The following HEMK2 variants were observed in gnomAD, a reference collection of about 807,000 sequenced individuals.
The protein encoded by HEMK2 is HemK methyltransferase 2, ETF1 glutamine and histone H4 lysine.
At chr21:28,757,886 A>G in the HEMK2 span, among the ~76,000 whole-genome samples, 1 of 152,218 alleles carries the variant, frequency 6.6e-6, no homozygotes, top group Admixed American at 6.5e-5. Context: ...GAGGAAATAC[A>G]GCAGATAAGG....
chr21:28,595,974 C>CG, the HEMK2 span, among the ~76,000 whole-genome samples: 1 of 151,402 alleles, frequency 6.6e-6, no homozygotes, highest in African/African-American at 2.4e-5. Context: ...TTAGTAGAGA[C>CG]GGGGTTTCAC....
the HEMK2 span, among the ~76,000 whole-genome samples, chr21:28,787,683 T>C: frequency 6.6e-6 from 1 of 152,064 alleles, no homozygotes; most frequent in Non-Finnish European, 1.5e-5. Context: ...TACAAGACTG[T>C]CCATAATCAA....
chr21:28,678,914 T>C, the HEMK2 span, among the ~76,000 whole-genome samples: 1 of 152,076 alleles, frequency 6.6e-6, no homozygotes, highest in East Asian at 1.9e-4. Context: ...TGGAAAGGAA[T>C]AACCGGTACC....
At chr21:28,742,673 GA>G in the HEMK2 span, among the ~76,000 whole-genome samples, 8 of 143,118 alleles carry the variant, frequency 5.6e-5, no homozygotes, top group African/African-American at 1.0e-4. Context: ...TGCCCACTAA[GA>G]AAAAAAAAAG....
the HEMK2 span, among the ~76,000 whole-genome samples, chr21:28,603,359 G>A: frequency 2.6e-5 from 4 of 152,204 alleles, no homozygotes; most frequent in Middle Eastern, 0.01. Context: ...ATTCTATGGT[G>A]ACATTGTGAA....
the HEMK2 span, among the ~76,000 whole-genome samples, chr21:28,750,473 C>T: frequency 3.9e-5 from 6 of 152,120 alleles, no homozygotes; most frequent in South Asian, 1.2e-3. Flanking sequence ...CCAAGGCAGG[C>T]AGATCGCTTG....
the HEMK2 span, among the ~76,000 whole-genome samples, chr21:28,739,063 T>C: frequency 2.6e-5 from 4 of 152,220 alleles, no homozygotes; most frequent in South Asian, 6.2e-4. Context: ...CAGAAGCTCA[T>C]GTGTACTTAA....
the HEMK2 span, among the ~76,000 whole-genome samples, chr21:28,604,885 T>C: frequency 1.3e-5 from 2 of 152,202 alleles, no homozygotes; most frequent in Non-Finnish European, 2.9e-5. Flanking sequence ...CTTTGATGCA[T>C]TGGGACCATG....
chr21:28,860,475 T>C, the HEMK2 span, among the ~76,000 whole-genome samples: 1 of 148,790 alleles, frequency 6.7e-6, no homozygotes, highest in Non-Finnish European at 1.5e-5. Context: ...ATATAACATA[T>C]ATAATACATA....
chr21:28,778,340 G>A, the HEMK2 span, among the ~76,000 whole-genome samples: 1 of 152,154 alleles, frequency 6.6e-6, no homozygotes, highest in African/African-American at 2.4e-5. Context: ...GTATGGATGT[G>A]TCATGGTTTA....
chr21:28,814,244 A>C, the HEMK2 span, among the ~76,000 whole-genome samples: 1 of 152,174 alleles, frequency 6.6e-6, no homozygotes, highest in Admixed American at 6.5e-5. Context: ...CTCAAAAAAA[A>C]CACTTGAATG....
chr21:28,679,614 A>G, the HEMK2 span, among the ~76,000 whole-genome samples: 1 of 152,186 alleles, frequency 6.6e-6, no homozygotes, highest in East Asian at 1.9e-4. Flanking sequence ...TCAGCACCAC[A>G]TCGCACTTAT....
the HEMK2 span, among the ~76,000 whole-genome samples, chr21:28,809,498 A>G: frequency 2.6e-5 from 4 of 152,200 alleles, no homozygotes; most frequent in African/African-American, 9.7e-5. Context: ...TACAGCTAAC[A>G]GTTCATGTAA....
At chr21:28,585,195 G>C in the HEMK2 span, among the ~76,000 whole-genome samples, 1 of 152,074 alleles carries the variant, frequency 6.6e-6, no homozygotes, top group Non-Finnish European at 1.5e-5. Flanking sequence ...AGCTGAGCAT[G>C]GTGGTGCATG....
the HEMK2 span, among the ~76,000 whole-genome samples, chr21:28,595,679 T>C: frequency 6.6e-6 from 1 of 152,226 alleles, no homozygotes; most frequent in Non-Finnish European, 1.5e-5. Flanking sequence ...TTCCTTTCTT[T>C]TGGGCATATA....
the HEMK2 span, among the ~76,000 whole-genome samples, chr21:28,711,385 AT>A: frequency 1.1e-3 from 174 of 152,172 alleles, no homozygotes; most frequent in Non-Finnish European, 1.8e-3. Flanking sequence ...GCTGAAGTGA[AT>A]TTGGTCCAGG....
the HEMK2 span, among the ~76,000 whole-genome samples, chr21:28,688,603 A>T: frequency 6.6e-6 from 1 of 152,014 alleles, no homozygotes; most frequent in African/African-American, 2.4e-5. Flanking sequence ...AATGTTGTTG[A>T]ATGAATAAAT....
the HEMK2 span, among the ~76,000 whole-genome samples, chr21:28,710,695 G>C: frequency 1.3e-5 from 2 of 152,188 alleles, no homozygotes; most frequent in African/African-American, 4.8e-5. Flanking sequence ...GTGGAGAATG[G>C]AATGAAATAT....
At chr21:28,721,619 T>C in the HEMK2 span, among the ~76,000 whole-genome samples, 1 of 152,120 alleles carries the variant, frequency 6.6e-6, no homozygotes. Context: ...ATAGTAAGAA[T>C]TTATAGTGAA....
Sources: gnomAD v4.1 joint callset for allele counts (sites outside exome capture counted in the v4.1 genomes callset) on GRCh38, gnomAD v4.1.1 for gene constraint, MANE v1.5 for transcripts, NCBI Gene and HGNC (gene_info 2026-07-23, HGNC 2026-07-21) for gene names.